GRID2: variants seen among roughly 807,000 people sequenced by gnomAD.
GRID2 encodes glutamate receptor ionotropic, delta-2.
A neutral mutation model predicts 114.8 loss-of-function variants in GRID2; 33 were observed. That is an observed-to-expected ratio of 0.29 (90% CI 0.22 to 0.38). GRID2 has a LOEUF of 0.38. GRID2 is among the 10% of genes least tolerant of loss of function. GRID2 has a pLI of 1.00. For missense variants in GRID2, 1,184 were observed against 1,257.7 expected (o/e 0.94, Z 0.89); for synonymous variants, 505 against 449.9 (o/e 1.12, Z -1.55).
chr4:92,569,911 T>C (rs1319645576), intron 1 of GRID2, among the ~76,000 whole-genome samples: 4 of 152,216 alleles, frequency 2.6e-5, no homozygotes, highest in South Asian at 2.1e-4. Context: ...CTGTAGGTGG[T>C]ATTTTTACTC....
At chr4:93,027,817 G>T (rs965421110) in intron 2 of GRID2, among the ~76,000 whole-genome samples, 2 of 151,844 alleles carry the variant, frequency 1.3e-5, no homozygotes, top group African/African-American at 4.8e-5. Flanking sequence ...TCCATGGCAG[G>T]TTGTTAATAT....
At chr4:93,551,652 C>G (rs1578241860) in intron 13 of GRID2, among the ~76,000 whole-genome samples, 2 of 152,198 alleles carry the variant, frequency 1.3e-5, no homozygotes, top group East Asian at 1.9e-4. Context: ...TTCTTTGACT[C>G]TAAAGCCTGT....
At chr4:92,969,615 C>A (rs145923277) in intron 2 of GRID2, among the ~76,000 whole-genome samples, 1 of 151,556 alleles carries the variant, frequency 6.6e-6, no homozygotes, top group Non-Finnish European at 1.5e-5. Context: ...TTCCTCATAA[C>A]GCTATGAGAC....
At chr4:92,786,259 T>G (rs1258786420) in intron 2 of GRID2, among the ~76,000 whole-genome samples, 1 of 151,872 alleles carries the variant, frequency 6.6e-6, no homozygotes, top group Non-Finnish European at 1.5e-5. Context: ...GACCCTAGTT[T>G]AAATATAAAT....
At chr4:93,677,223 G>C (rs1012303880) in intron 14 of GRID2, among the ~76,000 whole-genome samples, 7 of 152,224 alleles carry the variant, frequency 4.6e-5, no homozygotes, top group African/African-American at 1.7e-4. Context: ...GTGAGGCTGG[G>C]GGAGGGGCGC....
intron 9 of GRID2, among the ~76,000 whole-genome samples, chr4:93,421,296 C>T (rs1180953088): frequency 1.3e-5 from 2 of 152,130 alleles, no homozygotes; most frequent in Admixed American, 6.6e-5. Context: ...AGTAGGACTA[C>T]AGATTGTCTT....
At position 93,145,841 on chromosome 4, in the gene GRID2, A is replaced by G. The variant is rs1736172327; in HGVS notation, c.735+34888A>G. 2.3e-5 allele frequency among the ~76,000 whole-genome samples: 3 copies of G among 131,812 alleles called. No individual in the cohort carries two copies. The South Asian group carries it at 7.4e-4, about 33-fold the overall frequency. 86.5% of individuals were successfully genotyped at this position (131,812 alleles called of 152,430 possible). Reference sequence around the variant, plus strand: ...TGATTCACAGGGTTTTCATGCCCCAAATTTGTGCATGCACACACACACATA... The same window carrying G: ...TGATTCACAGGGTTTTCATGCCCCAGATTTGTGCATGCACACACACACATA... On this transcript the variant is annotated intron_variant, in intron 4 of 15. Transcript: ENST00000282020.
In GRID2 at chr4:92,928,209, A is replaced by G. The variant is rs1749972525; in HGVS notation, c.245-156786A>G. Reference sequence around the variant, plus strand: ...TTATCCTTATAAATTCCCACTAACTACAGCTGTTTAGACCAATTGCTTCAG... The same window carrying G: ...TTATCCTTATAAATTCCCACTAACTGCAGCTGTTTAGACCAATTGCTTCAG... On this transcript the variant is annotated intron_variant, in intron 2 of 15. Transcript: ENST00000282020. Among the ~76,000 whole-genome samples, 4 of 151,616 alleles carry G rather than the reference A, an allele frequency of 2.6e-5. No homozygotes were observed. In the South Asian group the frequency reaches 8.3e-4, roughly 31 times the overall value.
chr4:93,398,648 C>T (rs1170318343), intron 9 of GRID2, among the ~76,000 whole-genome samples: 4 of 151,748 alleles, frequency 2.6e-5, no homozygotes, highest in African/African-American at 9.7e-5. Flanking sequence ...ACCTGCATAC[C>T]CCAGGTTCAC....
At chr4:93,404,973 C>T (rs1197670957) in intron 9 of GRID2, among the ~76,000 whole-genome samples, 1 of 151,964 alleles carries the variant, frequency 6.6e-6, no homozygotes, top group Admixed American at 6.6e-5. Flanking sequence ...CCTTTAGAGA[C>T]AATTCAGTAA....
chr4:93,105,069 C>T (rs1403948347), intron 3 of GRID2, among the ~76,000 whole-genome samples: 1 of 152,026 alleles, frequency 6.6e-6, no homozygotes, highest in African/African-American at 2.4e-5. Flanking sequence ...TGATGATGAG[C>T]ATTTTTTCAT....
intron 2 of GRID2, among the ~76,000 whole-genome samples, chr4:92,976,948 C>A (rs181634221): frequency 2.0e-5 from 3 of 152,136 alleles, no homozygotes; most frequent in Non-Finnish European, 4.4e-5. Context: ...AACTGAGACT[C>A]ACAGATTAGC....
intron 8 of GRID2, among the ~76,000 whole-genome samples, chr4:93,314,656 ATT>A (rs1039530746): frequency 1.3e-5 from 2 of 151,230 alleles, no homozygotes; most frequent in African/African-American, 4.9e-5. Flanking sequence ...CTCCTCCTTT[ATT>A]TTTTCTTTTC....
chr4:93,573,985 A>C (rs1461569706), intron 13 of GRID2, among the ~76,000 whole-genome samples: 1 of 152,214 alleles, frequency 6.6e-6, no homozygotes, highest in Admixed American at 6.6e-5. Context: ...AATCATGGGC[A>C]ATAATTGAAG....
At chr4:92,800,452 A>G (rs1480964798) in intron 2 of GRID2, among the ~76,000 whole-genome samples, 1 of 152,048 alleles carries the variant, frequency 6.6e-6, no homozygotes, top group African/African-American at 2.4e-5. Flanking sequence ...ACAACATGCT[A>G]ACATAATAGA....
At chr4:92,816,449 T>G (rs1242047215) in intron 2 of GRID2, among the ~76,000 whole-genome samples, 1 of 152,088 alleles carries the variant, frequency 6.6e-6, no homozygotes, top group Non-Finnish European at 1.5e-5. Context: ...CATACATTAA[T>G]GCATGTTTCC....
rs76383825 is a variant in GRID2, at chr4:92,667,173, A to T, written c.244+76887A>T. Among the ~76,000 whole-genome samples, 279 of 151,786 alleles carry T rather than the reference A, an allele frequency of 1.8e-3. 5 individuals carry two copies. In the East Asian group the frequency reaches 0.034, roughly 18 times the overall value. ...CCTAGAAGATACAAGCCTTTATAGC[A>T]TTCTAAATAAGTTACATGGGAAAGA... On this transcript the variant is annotated intron_variant, in intron 2 of 15. Transcript: ENST00000282020.
At position 93,520,664 on chromosome 4, in the gene GRID2, A is replaced by G. The variant is rs565186930; in HGVS notation, c.2193+5253A>G. 3.8e-4 allele frequency among the ~76,000 whole-genome samples: 58 copies of G among 152,228 alleles called. No homozygotes were observed. The South Asian group carries it at 0.012, about 31-fold the overall frequency. On this transcript the variant is annotated intron_variant, in intron 13 of 15. Transcript: ENST00000282020. ...GTGGGAGGTGGGCAGGATGGAGGCC[A>G]TTGAAAAGGCTGATGCTTGGGCCCC...
At chr4:92,792,893 A>ATT (rs11456511) in intron 2 of GRID2, among the ~76,000 whole-genome samples, 2,774 of 133,248 alleles carry the variant, frequency 0.021, 42 homozygotes, top group Middle Eastern at 0.031. Context: ...CATAATATCC[A>ATT]TTTTTTTTTT....
Sources: allele counts gnomAD v4.1 joint callset (sites outside exome capture counted in the v4.1 genomes callset), GRCh38; gene constraint gnomAD v4.1.1; transcripts MANE v1.5; gene names NCBI Gene and HGNC (gene_info 2026-07-23, HGNC 2026-07-21).